Variants in NHSL1 observed in about 807,000 individuals in gnomAD.
The protein encoded by NHSL1 is NHS-like protein 1.
Under a neutral mutation model 95.0 loss-of-function variants are expected in NHSL1, and 48 were observed. That is an observed-to-expected ratio of 0.51 (90% CI 0.40 to 0.64). The LOEUF is 0.64. Among genes scored for constraint, NHSL1 ranks in the 30% least tolerant of loss-of-function variants. The pLI is 0.00. For synonymous variants in NHSL1, 783 were observed against 833.9 expected (o/e 0.94, Z 1.05); for missense variants, 1,971 against 2,077.7 (o/e 0.95, Z 1.00).
intron 3 of NHSL1, among the ~76,000 whole-genome samples, chr6:138,455,761 G>GTT (rs3045630): frequency 0.78 from 117,979 of 152,076 alleles, 46,966 homozygotes; most frequent in East Asian, 0.93. Context: ...GCTAGCAATA[G>GTT]CATAAACACT....
Position 138,430,938 on chromosome 6 carries a change from C to A in NHSL1, c.3407G>T (p.Ser1136Ile). Residue 1136 changes from serine to isoleucine, a missense_variant, in exon 6 of 8, where the codon AGC (serine) becomes ATC (isoleucine). By Grantham distance (142) the Ser-to-Ile change is moderately radical (BLOSUM62 -2). This residue lies in a region of NHSL1 where 1,602 missense variants were observed against 1,654.5 expected (regional missense o/e 0.97). Transcript: ENST00000343505. This position sits in a 1 kb window ranked among gnomAD's most constrained non-coding sequence, Gnocchi z 4.7. ...GCTCTTGGCAGGCGTCGGAAGCGAG[C>A]TTGTCACAGAGGCAGGCTGGCTTTC... ...ESESQPASVT[S>I]SLPTPAKSSS... 9.7e-6 allele frequency: 15 copies of A among 1,551,702 alleles called. No homozygotes were observed. Among genetic ancestry groups the A allele is most frequent in the Non-Finnish European group, 1.3e-5 (15 of 1,146,928 alleles).
In NHSL1 at chr6:138,556,567, T is replaced by C. The variant is rs192643087; in HGVS notation, c.202+15143A>G. ...CAAAATACTCATTGAGCAAACACTG[T>C]GGATCTAGGATGCAAAATGGGGATT... On this transcript the variant is annotated intron_variant, in intron 1 of 6. Transcript: ENST00000427025. Among the ~76,000 whole-genome samples, 3 of 151,018 alleles carry C rather than the reference T, an allele frequency of 2.0e-5. No homozygotes were observed. The East Asian group carries it at 5.8e-4, about 29-fold the overall frequency.
chr6:138,605,438 T>C (rs1784420189), intron 1 of NHSL1, among the ~76,000 whole-genome samples: 1 of 152,152 alleles, frequency 6.6e-6, no homozygotes, highest in Admixed American at 6.6e-5. Context: ...AATAAAAATA[T>C]AAACTCTCAC....
At chr6:138,555,508 C>T (rs764888688) in intron 1 of NHSL1, among the ~76,000 whole-genome samples, 6 of 152,200 alleles carry the variant, frequency 3.9e-5, no homozygotes, top group Non-Finnish European at 7.3e-5. Flanking sequence ...CAGTTCCTAA[C>T]AAAGAAAGGC....
Position 138,442,194 on chromosome 6 carries a change from T to C in NHSL1, c.533-80A>G, listed in dbSNP as rs1233071562. On this transcript the variant is annotated intron_variant, in intron 4 of 7. Transcript: ENST00000343505. ...CCATGCACTTTCTTCCAGAAGCTTG[T>C]TGTAAAATGATAAGAAGGTATTAAT... 5.9e-6 allele frequency: 8 copies of C among 1,350,720 alleles called. No homozygotes were observed. In the Admixed American group the frequency reaches 2.4e-4, roughly 40 times the overall value. 83.7% of individuals were successfully genotyped at this position (1,350,720 alleles called of 1,614,324 possible). A position where few individuals can be genotyped will look rare whatever the true frequency, so the allele number is the denominator to read the frequency against.
At chr6:138,450,183 T>G (rs190058658) in intron 3 of NHSL1, among the ~76,000 whole-genome samples, 1 of 150,836 alleles carries the variant, frequency 6.6e-6, no homozygotes, top group African/African-American at 2.4e-5. Context: ...TTCTCTACCC[T>G]TGAGATGTGC....
At chr6:138,572,011 C>G in exon 1 of NHSL1, 1 of 913,322 alleles carries the variant, frequency 1.1e-6, no homozygotes, top group Non-Finnish European at 1.6e-6. Context: ...TGCTGTTTCC[C>G]TCTTAGACAA....
intron 1 of NHSL1, 74 bp downstream of exon 1, chr6:138,499,156 CACA>C (rs865869946): frequency 1.6e-6 from 1 of 613,144 alleles, no homozygotes; most frequent in Non-Finnish European, 2.6e-6. Context: ...CACACACACA[CACA>C]GACACACAGG....
rs1384209784 is a variant in NHSL1, at chr6:138,437,441, CACACAA to C, written c.665-3767_665-3762del. 2.8e-3 allele frequency among the ~76,000 whole-genome samples: 98 copies of C among 35,470 alleles called. 2 individuals are homozygous for C. Among genetic ancestry groups the C allele is most frequent in the African/African-American group, 9.1e-3 (85 of 9,384 alleles). 23.3% of individuals were successfully genotyped at this position (35,470 alleles called of 152,430 possible). On this transcript the variant is annotated intron_variant, in intron 5 of 7. Coordinates refer to ENST00000343505, the MANE Select transcript of NHSL1 (RefSeq NM_001144060.2). ...ACACACACACACACACACACACACA[CACACAA>C]AAAAAAAAAAAAAAAATACAATGCA...
chr6:138,599,067 T>C (rs1292726799), intron 1 of NHSL1, among the ~76,000 whole-genome samples: 1 of 152,212 alleles, frequency 6.6e-6, no homozygotes, highest in Non-Finnish European at 1.5e-5. Context: ...CTGTAAAATT[T>C]GGATCCTATT....
rs578013585 is a variant in NHSL1 at position 138,667,408 on chromosome 6, A to G, written c.96+25068T>C. Reference sequence around the variant, plus strand: ...CCAAAACCTTGGATTTTTATACATGATACCATAATCTGAGACAATGCAAAA... The same window carrying G: ...CCAAAACCTTGGATTTTTATACATGGTACCATAATCTGAGACAATGCAAAA... On this transcript the variant is annotated intron_variant, in intron 1 of 3. Transcript: ENST00000491526. 3.3e-5 allele frequency among the ~76,000 whole-genome samples: 5 copies of G among 152,378 alleles called. No homozygotes were observed. The South Asian group carries it at 6.2e-4, about 19-fold the overall frequency.
At chr6:138,661,274 A>G (rs1040988159) in intron 1 of NHSL1, among the ~76,000 whole-genome samples, 1 of 151,916 alleles carries the variant, frequency 6.6e-6, no homozygotes, top group African/African-American at 2.4e-5. Flanking sequence ...AACATCTCCT[A>G]TTTCTCCCAC....
chr6:138,431,948 G>GC lies in NHSL1; in HGVS notation c.2396dup (p.Cys800LeufsTer109). On this transcript the variant is annotated frameshift_variant, in exon 6 of 8. Transcript: ENST00000343505. LOFTEE classifies it high-confidence loss of function. The surrounding 1 kb of genome is among the most constrained non-coding windows in gnomAD (Gnocchi z 4.0). ...TGGGCACCCCACTGCTGGTTGAACA[G>GC]CCCCCTGCCGGGTTCCCCGGATCTT... 6.4e-7 allele frequency: 1 copy of GC among 1,551,756 alleles called. No homozygotes were observed. Among genetic ancestry groups the GC allele is most frequent in the East Asian group, 2.4e-5 (1 of 40,910 alleles).
Position 138,423,957 on chromosome 6 carries a change from G to A in NHSL1, c.*124C>T. 9.7e-7 allele frequency: 1 copy of A among 1,027,670 alleles called. No homozygotes were observed. The highest frequency in any genetic ancestry group is 1.3e-6 in the Non-Finnish European group (1 of 795,316). 63.7% of individuals were successfully genotyped at this position (1,027,670 alleles called of 1,614,324 possible). On this transcript the variant is annotated 3_prime_UTR_variant, in exon 8 of 8. Transcript: ENST00000343505. ...CACACTGCAGGGCTGGCAACCCCGG[G>A]GCCCACAGCACAGAAGCAGAGTGGG... is the stretch of plus-strand genomic sequence containing the variant.
chr6:138,562,385 G>A (rs542149170), intron 1 of NHSL1, among the ~76,000 whole-genome samples: 1 of 152,288 alleles, frequency 6.6e-6, no homozygotes, highest in South Asian at 2.1e-4. Context: ...GATCGCTCAT[G>A]CCTGTAATCC....
At chr6:138,443,965 T>C (rs577459031) in intron 4 of NHSL1, among the ~76,000 whole-genome samples, 55 of 152,360 alleles carry the variant, frequency 3.6e-4, no homozygotes, top group Non-Finnish European at 7.3e-4. Flanking sequence ...ACACACGTCA[T>C]TGAAGGCACC....
At chr6:138,448,608 G>A (rs1449376181) in intron 3 of NHSL1, among the ~76,000 whole-genome samples, 1 of 152,148 alleles carries the variant, frequency 6.6e-6, no homozygotes, top group Non-Finnish European at 1.5e-5. Flanking sequence ...AAAGGGAATC[G>A]CACTGTCTGT....
At chr6:138,583,886 G>A (rs1172183134) in intron 1 of NHSL1, among the ~76,000 whole-genome samples, 1 of 152,060 alleles carries the variant, frequency 6.6e-6, no homozygotes, top group African/African-American at 2.4e-5. Flanking sequence ...ATCACTTGAG[G>A]CCAGGAGTAG....
intron 1 of NHSL1, among the ~76,000 whole-genome samples, chr6:138,563,501 C>T (rs1000195506): frequency 1.6e-4 from 24 of 152,184 alleles, no homozygotes; most frequent in African/African-American, 4.6e-4. Context: ...AGGATAAAGA[C>T]ATTTTTTGAC....
Sources: gnomAD v4.1 joint callset for allele counts (sites outside exome capture counted in the v4.1 genomes callset) on GRCh38, gnomAD v4.1.1 for gene constraint, gnomAD v4.1.1 regional missense constraint, Gnocchi (gnomAD v3.1) non-coding constraint, MANE v1.5 for transcripts, NCBI Gene and HGNC (gene_info 2026-07-23, HGNC 2026-07-21) for gene names.